STPG2: variants seen among roughly 807,000 people sequenced by gnomAD.
STPG2 encodes sperm-tail PG-rich repeat-containing protein 2.
In STPG2, 56 loss-of-function variants were observed where a neutral mutation model predicts 54.2. That is an observed-to-expected ratio of 1.03 (90% confidence interval 0.83 to 1.29). The LOEUF (loss-of-function observed/expected upper bound fraction) is 1.29. STPG2 is among the 50% of genes most tolerant of loss of function. STPG2 has a pLI of 0.00. For synonymous variants in STPG2, 200 were observed against 181.8 expected, an observed-to-expected ratio of 1.10 and a Z score of -0.81; for missense variants, 596 against 544.9, an observed-to-expected ratio of 1.09 and a Z score of -0.93.
intron 5 of STPG2, among the ~76,000 whole-genome samples, chr4:98,062,059 A>G (rs1226179551): frequency 6.6e-6 from 1 of 152,210 alleles, no homozygotes. Context: ...ATGCCCATCA[A>G]TGACAGATTG....
At chr4:97,850,260 G>A (rs1342672210) in intron 8 of STPG2, among the ~76,000 whole-genome samples, 85 of 94,972 alleles carry the variant, frequency 9.0e-4, no homozygotes, top group Non-Finnish European at 1.2e-3. Flanking sequence ...ATCACACTCT[G>A]GGGACTGTGG....
chr4:98,010,920 A>AC lies in STPG2; in HGVS notation c.613-29603dup, dbSNP rs532787692. Among the ~76,000 whole-genome samples the AC allele has an allele frequency of 4.2e-3, 639 of 151,910 alleles. 3 individuals are homozygous for AC. The highest frequency in any genetic ancestry group is 0.024 in the South Asian group (117 of 4,784). ...AAAATTCAATATTTTAAGTTATCCTACCCCCACATTTTATATTATTGATGT... is the reference window on the plus strand; with the variant it reads ...AAAATTCAATATTTTAAGTTATCCTACCCCCCACATTTTATATTATTGATGT... On this transcript the variant is annotated intron_variant, in intron 5 of 10. Transcript: ENST00000295268.
At chr4:97,473,435 A>C (rs949582094) in intron 4 of STPG2, among the ~76,000 whole-genome samples, 4 of 152,164 alleles carry the variant, frequency 2.6e-5, no homozygotes, top group Admixed American at 6.5e-5. Context: ...AATCAGCCCC[A>C]GTCTCCCATA....
intron 5 of STPG2, among the ~76,000 whole-genome samples, chr4:97,984,359 C>T (rs914914679): frequency 2.0e-5 from 3 of 151,976 alleles, no homozygotes; most frequent in African/African-American, 4.8e-5. Flanking sequence ...TGGCCAGGCT[C>T]GTCTCAAACT....
chr4:97,937,071 G>T (rs115900874), intron 8 of STPG2, among the ~76,000 whole-genome samples: 1 of 151,804 alleles, frequency 6.6e-6, no homozygotes, highest in Admixed American at 6.6e-5. Flanking sequence ...GGTTTTGTTT[G>T]TTCCTTTTAA....
chr4:98,026,226 C>A, intron 5 of STPG2: 1 of 1,051,788 alleles, frequency 9.5e-7, no homozygotes, highest in Non-Finnish European at 1.5e-6. Context: ...CAAAAGAAAG[C>A]AAGCCCCCTC....
At chr4:97,595,621 A>C (rs150359132) in intron 10 of STPG2, among the ~76,000 whole-genome samples, 2 of 151,330 alleles carry the variant, frequency 1.3e-5, no homozygotes, top group Non-Finnish European at 3.0e-5. Context: ...ACAAAAAAAG[A>C]AAAAAAAAGA....
chr4:97,681,587 T>G (rs1287597381), intron 10 of STPG2, among the ~76,000 whole-genome samples: 2 of 151,906 alleles, frequency 1.3e-5, no homozygotes, highest in African/African-American at 4.8e-5. Context: ...GGAAACTCCT[T>G]CTTGTCAATT....
intron 10 of STPG2, among the ~76,000 whole-genome samples, chr4:97,701,479 G>T (rs1042978452): frequency 6.6e-6 from 1 of 152,068 alleles, no homozygotes; most frequent in Non-Finnish European, 1.5e-5. Context: ...GTTAACCAGA[G>T]GTCTCCATGG....
chr4:97,713,915 A>G (rs756202036), intron 9 of STPG2, among the ~76,000 whole-genome samples: 29 of 152,200 alleles, frequency 1.9e-4, no homozygotes, highest in Non-Finnish European at 3.7e-4. Flanking sequence ...TTTCAAGAGA[A>G]TGTTAGAGGT....
At chr4:97,865,137 T>C (rs567406438) in intron 8 of STPG2, among the ~76,000 whole-genome samples, 1 of 151,826 alleles carries the variant, frequency 6.6e-6, no homozygotes, top group African/African-American at 2.4e-5. Context: ...AAAGAAACTA[T>C]CATCAGAGTG....
intron 7 of STPG2, among the ~76,000 whole-genome samples, chr4:97,965,729 T>C (rs1453391505): frequency 6.6e-6 from 1 of 152,204 alleles, no homozygotes; most frequent in Admixed American, 6.5e-5. Flanking sequence ...AAACGGGGTC[T>C]GGAGTAGACC....
chr4:98,010,926 A>G (rs1357199961), intron 5 of STPG2, among the ~76,000 whole-genome samples: 1 of 152,076 alleles, frequency 6.6e-6, no homozygotes, highest in African/African-American at 2.4e-5. Flanking sequence ...TCCTACCCCC[A>G]CATTTTATAT....
intron 4 of STPG2, among the ~76,000 whole-genome samples, chr4:97,502,624 C>A (rs1383153018): frequency 1.3e-5 from 2 of 151,282 alleles, no homozygotes; most frequent in Non-Finnish European, 2.9e-5. Context: ...AATGAAATAG[C>A]CATACTTAGT....
chr4:97,591,689 C>T (rs1305852337), intron 10 of STPG2, among the ~76,000 whole-genome samples: 1 of 152,068 alleles, frequency 6.6e-6, no homozygotes, highest in Non-Finnish European at 1.5e-5. Flanking sequence ...TCACTGCAAC[C>T]AAATTGGTTT....
At chr4:97,774,993 T>C (rs1277703374) in intron 9 of STPG2, among the ~76,000 whole-genome samples, 1 of 152,234 alleles carries the variant, frequency 6.6e-6, no homozygotes, top group Non-Finnish European at 1.5e-5. Flanking sequence ...CACCTGGCTA[T>C]GACTGACCAC....
At chr4:97,724,193 TCC>T in intron 9 of STPG2, among the ~76,000 whole-genome samples, 1 of 152,326 alleles carries the variant, frequency 6.6e-6, no homozygotes, top group Middle Eastern at 3.4e-3. Flanking sequence ...TTGGAATTTC[TCC>T]CCTTCTCTAT....
chr4:97,754,128 G>C (rs1725661460), intron 9 of STPG2, among the ~76,000 whole-genome samples: 1 of 151,992 alleles, frequency 6.6e-6, no homozygotes, highest in Non-Finnish European at 1.5e-5. Context: ...CTTTATAGGA[G>C]GCCATTGGTT....
intron 10 of STPG2, among the ~76,000 whole-genome samples, chr4:97,680,527 G>T (rs1722999247): frequency 6.6e-6 from 1 of 152,026 alleles, no homozygotes; most frequent in Admixed American, 6.6e-5. Flanking sequence ...AGGAGATTTT[G>T]GGCTGAGACA....
Sources: allele counts gnomAD v4.1 joint callset (sites outside exome capture counted in the v4.1 genomes callset), GRCh38; gene constraint gnomAD v4.1.1; transcripts MANE v1.5; gene names NCBI Gene and HGNC (gene_info 2026-07-23, HGNC 2026-07-21).